Variants in CNGB3 observed in about 807,000 individuals in gnomAD.
CNGB3 encodes cyclic nucleotide-gated channel beta-3.
A neutral mutation model predicts 92.8 loss-of-function variants in CNGB3; 86 were observed. The observed-to-expected ratio is 0.93, with a 90% CI of 0.78 to 1.11. CNGB3 has a LOEUF of 1.11. CNGB3 is among the 50% of genes least tolerant of loss of function. The pLI is 0.00. For missense variants in CNGB3, 1,026 were observed against 956.8 expected (o/e 1.07, Z -0.95); for synonymous variants, 333 against 332.7 (o/e 1.00, Z -0.01).
chr8:86,609,473 C>T (rs192327594), intron 14 of CNGB3, among the ~76,000 whole-genome samples: 1 of 152,316 alleles, frequency 6.6e-6, no homozygotes, highest in African/African-American at 2.4e-5. Flanking sequence ...TTTCCCCCTT[C>T]ATCTCTGAAA....
intron 15 of CNGB3, among the ~76,000 whole-genome samples, chr8:86,582,393 C>CAA (rs35627136): frequency 3.7e-5 from 5 of 134,864 alleles, no homozygotes; most frequent in African/African-American, 8.4e-5. Flanking sequence ...GACCCTATCT[C>CAA]AAAAAAAAAA....
intron 2 of CNGB3, among the ~76,000 whole-genome samples, chr8:86,727,909 T>C (rs1382982795): frequency 1.3e-5 from 2 of 152,116 alleles, no homozygotes; most frequent in African/African-American, 4.8e-5. Context: ...AGTCCTTTAA[T>C]ATGAACATTT....
chr8:86,596,147 T>C (rs1366364687), intron 15 of CNGB3, among the ~76,000 whole-genome samples: 2 of 152,324 alleles, frequency 1.3e-5, no homozygotes, highest in East Asian at 3.9e-4. Flanking sequence ...TTAGCAAATA[T>C]TTATGGAGGA....
In CNGB3 at chr8:86,598,193, G is replaced by A. The variant is rs77529207; in HGVS notation, c.1781+5900C>T. Among the ~76,000 whole-genome samples, 833 of 152,202 alleles carry A rather than the reference G, an allele frequency of 5.5e-3. 6 individuals carry two copies. The highest frequency in any genetic ancestry group is 0.019 in the African/African-American group (776 of 41,532). On this transcript the variant is annotated intron_variant, in intron 15 of 17. Coordinates refer to ENST00000320005, the MANE Select transcript of CNGB3 (RefSeq NM_019098.5). ...AGGGCAGTGATATGATCAGATCTGT[G>A]TTTCCAAAAGATCCCTCTGGCTGCA...
At chr8:86,726,437 A>T in intron 3 of CNGB3, 94 bp downstream of exon 3, 1 of 1,533,722 alleles carries the variant, frequency 6.5e-7, no homozygotes, top group Non-Finnish European at 9.0e-7. Context: ...TTCTGCCCTT[A>T]TATTCAGCTA....
intron 3 of CNGB3, chr8:86,707,477 T>C (rs561496896): frequency 1.3e-5 from 2 of 152,544 alleles, no homozygotes; most frequent in East Asian, 3.9e-4. Flanking sequence ...GTTATGCAGA[T>C]ATCTGGGGGA....
At chr8:86,663,921 T>G (rs1350762763) in intron 6 of CNGB3, among the ~76,000 whole-genome samples, 1 of 152,248 alleles carries the variant, frequency 6.6e-6, no homozygotes, top group African/African-American at 2.4e-5. Context: ...TGCAAAAGCC[T>G]CTTAGAAAAT....
chr8:86,658,891 A>G, intron 6 of CNGB3: 1 of 772,886 alleles, frequency 1.3e-6, no homozygotes, highest in Non-Finnish European at 2.2e-6. Flanking sequence ...TGCTCCTCCC[A>G]GAGCTCAGCC....
At chr8:86,596,515 A>G (rs537126388) in intron 15 of CNGB3, among the ~76,000 whole-genome samples, 1 of 152,372 alleles carries the variant, frequency 6.6e-6, no homozygotes, top group Non-Finnish European at 1.5e-5. Flanking sequence ...ACAAAAATGA[A>G]TGTGCATTTG....
intron 17 of CNGB3, among the ~76,000 whole-genome samples, chr8:86,578,343 C>G (rs1821697576): frequency 6.6e-6 from 1 of 152,026 alleles, no homozygotes; most frequent in Admixed American, 6.6e-5. Context: ...CCACAAATGA[C>G]CACAAAAGCA....
intron 10 of CNGB3, among the ~76,000 whole-genome samples, chr8:86,638,637 C>T (rs1048673106): frequency 1.3e-5 from 2 of 152,020 alleles, no homozygotes; most frequent in African/African-American, 4.8e-5. Context: ...CCTAGTAGCA[C>T]ACAATAGGAA....
chr8:86,594,167 C>T (rs533977438), intron 15 of CNGB3: 108 of 277,322 alleles, frequency 3.9e-4, no homozygotes, highest in Non-Finnish European at 6.7e-4. Context: ...GAATGTGTCT[C>T]CAACGATCAC....
At chr8:86,580,997 A>C (rs76084900) in intron 15 of CNGB3, among the ~76,000 whole-genome samples, 1 of 152,124 alleles carries the variant, frequency 6.6e-6, no homozygotes, top group Non-Finnish European at 1.5e-5. Flanking sequence ...CAGTATGAAC[A>C]ACTTCTGTTG....
At chr8:86,729,423 AACTT>A (rs1430962958) in intron 2 of CNGB3, among the ~76,000 whole-genome samples, 9 of 152,336 alleles carry the variant, frequency 5.9e-5, no homozygotes, top group African/African-American at 1.4e-4. Flanking sequence ...AGATCTTAGC[AACTT>A]ACCAGATCTT....
intron 3 of CNGB3, among the ~76,000 whole-genome samples, chr8:86,683,182 T>G (rs190901256): frequency 2.6e-5 from 4 of 152,314 alleles, no homozygotes; most frequent in African/African-American, 7.2e-5. Context: ...GAATGGAGAA[T>G]GAATATTCAG....
intron 10 of CNGB3, among the ~76,000 whole-genome samples, chr8:86,643,085 G>A (rs1823221625): frequency 6.7e-6 from 1 of 149,818 alleles, no homozygotes; most frequent in African/African-American, 2.5e-5. Flanking sequence ...CATTTCACAG[G>A]CCAACTCAGG....
rs190008830 is a variant in CNGB3 at position 86,638,430 on chromosome 8, G to T, written c.1178+5321C>A. 4.3e-4 allele frequency among the ~76,000 whole-genome samples: 65 copies of T among 152,164 alleles called. 1 individual carries two copies. Among genetic ancestry groups the T allele is most frequent in the African/African-American group, 1.6e-3 (65 of 41,538 alleles). On this transcript the variant is annotated intron_variant, in intron 10 of 17. Coordinates refer to ENST00000320005, the MANE Select transcript of CNGB3 (RefSeq NM_019098.5). ...GGTATTGTCAGTCTTTTAAATTTCA[G>T]CCATTGTGGTAAATCTGTAGTGGGA...
At chr8:86,676,470 G>A (rs148597246) in intron 3 of CNGB3, among the ~76,000 whole-genome samples, 1 of 152,282 alleles carries the variant, frequency 6.6e-6, no homozygotes, top group Non-Finnish European at 1.5e-5. Context: ...TGAATGGTCA[G>A]TTGAGGTTGA....
intron 13 of CNGB3, among the ~76,000 whole-genome samples, chr8:86,618,222 T>C (rs954059061): frequency 6.6e-6 from 1 of 152,192 alleles, no homozygotes; most frequent in Admixed American, 6.5e-5. Context: ...CTGCTCTCAC[T>C]GACCCACCAC....
Sources: gnomAD v4.1 joint callset for allele counts (sites outside exome capture counted in the v4.1 genomes callset) on GRCh38, gnomAD v4.1.1 for gene constraint, MANE v1.5 for transcripts, NCBI Gene and HGNC (gene_info 2026-07-23, HGNC 2026-07-21) for gene names.